Variants in PDZD2 observed in about 807,000 individuals in gnomAD.
PDZD2 encodes PDZ domain containing 2, also known as PDZ domain-containing protein 2.
PDZD2 carries 90 observed loss-of-function variants against 220.7 expected under a neutral mutation model. That is an observed-to-expected ratio of 0.41 (90% CI 0.34 to 0.49). The LOEUF (loss-of-function observed/expected upper bound fraction) is 0.49, where lower values mean the gene tolerates loss of function less well. Ranked by LOEUF, PDZD2 falls within the 20% of genes least tolerant of loss-of-function variation. PDZD2 has a pLI of 0.28. For synonymous variants in PDZD2, 1,375 were observed against 1,450.5 expected (o/e 0.95, Z 1.18); for missense variants, 3,174 against 3,608.5 (o/e 0.88, Z 3.08).
Position 32,037,306 on chromosome 5 carries a change from G to C in PDZD2, c.1483G>C (p.Gly495Arg). The stretch of plus-strand genomic sequence containing the variant: ...GGGGAACTTGGAAAGTCCCAAACAG[G>C]GCAGCAATAAAATCAAGCTCAAGAG... ...SKGNLESPKQ[G>R]SNKIKLKSRL... is the part of the protein sequence containing the mutation. The change falls in exon 7 of 25, where the codon GGC becomes CGC. Residue 495 changes from glycine to arginine, a missense_variant. By Grantham distance (125) the Gly-to-Arg change is moderately radical. This residue lies in a region of PDZD2 where 632 missense variants were observed against 708.1 expected (regional missense o/e 0.89). Coordinates refer to ENST00000438447, the MANE Select transcript of PDZD2 (RefSeq NM_178140.4). 1 of 1,613,276 alleles carries C rather than the reference G, an allele frequency of 6.2e-7. No individual in the cohort carries two copies. The highest frequency in any genetic ancestry group is 1.3e-5 in the African/African-American group (1 of 75,022).
chr5:31,849,895 TATATATATACATATATATATATAC>T (rs1757832483), intron 2 of PDZD2, among the ~76,000 whole-genome samples: 2 of 29,420 alleles, frequency 6.8e-5, no homozygotes, highest in African/African-American at 6.2e-4. Flanking sequence ...TATACACATA[TATATATATACATATATATATATAC>T]ATATATATAT....
intron 2 of PDZD2, among the ~76,000 whole-genome samples, chr5:31,866,132 G>A: frequency 6.6e-6 from 1 of 151,952 alleles, no homozygotes; most frequent in Non-Finnish European, 1.5e-5. Context: ...CTCACGAGCT[G>A]GGACTGCAGG....
At chr5:31,978,639 C>CGGGAGGCGGAGTTGGCA (rs1561247381) in intron 2 of PDZD2, among the ~76,000 whole-genome samples, 1 of 146,442 alleles carries the variant, frequency 6.8e-6, no homozygotes, top group Non-Finnish European at 1.5e-5. Context: ...GGTGTGAACC[C>CGGGAGGCGGAGTTGGCA]GGGAGGCGGA....
chr5:31,725,426 G>T, intron 1 of PDZD2: 5 of 1,121,194 alleles, frequency 4.5e-6, no homozygotes, highest in East Asian at 3.1e-5. Context: ...ACTAACAAGT[G>T]TTTTTTAAGC....
At chr5:31,891,739 TC>T (rs1467969430) in intron 2 of PDZD2, among the ~76,000 whole-genome samples, 1 of 152,110 alleles carries the variant, frequency 6.6e-6, no homozygotes, top group Admixed American at 6.6e-5. Flanking sequence ...AGCAGAGCTT[TC>T]CCCACTGCTC....
intron 2 of PDZD2, among the ~76,000 whole-genome samples, chr5:31,910,722 G>T (rs138025574): frequency 4.6e-5 from 7 of 151,440 alleles, no homozygotes; most frequent in African/African-American, 1.7e-4. Context: ...TAGAGACAGG[G>T]TTTCACCATG....
intron 2 of PDZD2, among the ~76,000 whole-genome samples, chr5:31,918,304 G>A (rs1038212519): frequency 1.3e-5 from 2 of 152,226 alleles, no homozygotes; most frequent in African/African-American, 4.8e-5. Flanking sequence ...TTGGGGAAAG[G>A]AAAGGCACTG....
intron 5 of PDZD2, among the ~76,000 whole-genome samples, chr5:32,007,851 C>A (rs1380660362): frequency 6.6e-6 from 1 of 152,160 alleles, no homozygotes; most frequent in Middle Eastern, 3.2e-3. Context: ...TGCGGCATTT[C>A]CCCGGAGGGC....
chr5:31,864,292 C>G (rs1173099970), intron 2 of PDZD2, among the ~76,000 whole-genome samples: 3 of 152,322 alleles, frequency 2.0e-5, no homozygotes, highest in Non-Finnish European at 2.9e-5. Flanking sequence ...AGTTTCCCTT[C>G]TGTTGTTGCT....
At chr5:31,954,584 A>G (rs7704219) in intron 2 of PDZD2, among the ~76,000 whole-genome samples, 16,355 of 152,158 alleles carry the variant, frequency 0.11, 982 homozygotes, top group South Asian at 0.2. Flanking sequence ...AAGTACCATG[A>G]ACCCTCTTCA....
intron 1 of PDZD2, among the ~76,000 whole-genome samples, chr5:31,671,981 A>G (rs1409951065): frequency 1.3e-5 from 2 of 152,160 alleles, no homozygotes; most frequent in African/African-American, 4.8e-5. Context: ...AGCATTAGCA[A>G]TTCTGATGCC....
chr5:31,865,919 C>T (rs554251930), intron 2 of PDZD2, among the ~76,000 whole-genome samples: 2 of 151,160 alleles, frequency 1.3e-5, no homozygotes, highest in Admixed American at 1.3e-4. Flanking sequence ...GCGTGAGCCA[C>T]CGCACCTGCC....
intron 2 of PDZD2, among the ~76,000 whole-genome samples, chr5:31,842,123 A>G (rs2150285456): frequency 6.6e-6 from 1 of 152,346 alleles, no homozygotes; most frequent in East Asian, 1.9e-4. Context: ...TTAAAAACAC[A>G]TATAGCTTGA....
At chr5:31,944,018 G>C (rs1399726300) in intron 2 of PDZD2, among the ~76,000 whole-genome samples, 1 of 152,184 alleles carries the variant, frequency 6.6e-6, no homozygotes, top group Non-Finnish European at 1.5e-5. Context: ...ACTACTTTGA[G>C]AATATGTCAG....
At chr5:31,708,126 C>T (rs544594817) in intron 1 of PDZD2, among the ~76,000 whole-genome samples, 1 of 151,984 alleles carries the variant, frequency 6.6e-6, no homozygotes, top group Non-Finnish European at 1.5e-5. Context: ...CAATCAAGTC[C>T]AGTCTCTTCA....
intron 6 of PDZD2, among the ~76,000 whole-genome samples, chr5:32,019,983 C>T (rs1039532558): frequency 6.6e-6 from 1 of 151,582 alleles, no homozygotes; most frequent in African/African-American, 2.4e-5. Context: ...GTTTATATGT[C>T]CTTAAGGGGT....
Position 32,108,040 on chromosome 5 carries a change from GT to G in PDZD2, c.8427del (p.Leu2811SerfsTer10). On this transcript the variant is annotated frameshift_variant, in exon 25 of 25. Transcript: ENST00000438447. LOFTEE classifies it high-confidence loss of function. ...EILAINGKPLVGLMHFDAWNI... is the reference protein window; with the variant it reads ...EILAINGKPLXGLMHFDAWNI... ...TCTTGCTATTAATGGGAAACCTCTG[GT>G]TGGGCTCATGCACTTTGATGCCTGG... 6.2e-7 allele frequency: 1 copy of G among 1,612,054 alleles called. No homozygotes were observed.
At chr5:31,748,792 T>A (rs747415314) in intron 1 of PDZD2, among the ~76,000 whole-genome samples, 2 of 152,240 alleles carry the variant, frequency 1.3e-5, no homozygotes, top group Non-Finnish European at 2.9e-5. Flanking sequence ...TCTGTGCATT[T>A]GCAGTTCCAG....
Position 32,108,888 on chromosome 5 carries a change from T to TGATA in PDZD2, c.*754_*757dup, listed in dbSNP as rs1475010876. The TGATA allele has an allele frequency of 6.6e-6, 1 of 152,658 alleles. No individual in the cohort carries two copies. Among genetic ancestry groups the TGATA allele is most frequent in the Non-Finnish European group, 1.5e-5 (1 of 68,044 alleles). 9.5% of individuals were successfully genotyped at this position (152,658 alleles called of 1,614,324 possible). Reference sequence around the variant, plus strand: ...AGGCTGTTTTACAGAATAGCACTTCTGATAAGCTGTATTAAATAGCCATGA... The same window carrying TGATA: ...AGGCTGTTTTACAGAATAGCACTTCTGATAGATAAGCTGTATTAAATAGCCATGA... On this transcript the variant is annotated 3_prime_UTR_variant, in exon 25 of 25. Transcript: ENST00000438447.
Sources: gnomAD v4.1 joint callset for allele counts (sites outside exome capture counted in the v4.1 genomes callset) on GRCh38, gnomAD v4.1.1 for gene constraint, gnomAD v4.1.1 regional missense constraint, MANE v1.5 for transcripts, NCBI Gene and HGNC (gene_info 2026-07-23, HGNC 2026-07-21) for gene names.